PHYKPL: variants seen among roughly 807,000 people sequenced by gnomAD.
The protein encoded by PHYKPL is 5-phosphohydroxy-L-lysine phospho-lyase.
In PHYKPL, 42 loss-of-function variants were observed where a neutral mutation model predicts 51.3. The ratio of observed to expected loss-of-function variants is 0.82; its 90% CI spans 0.64 to 1.06. The LOEUF is 1.06. Ranked by LOEUF, PHYKPL falls within the 50% of genes least tolerant of loss-of-function variation. The pLI, the probability that PHYKPL is intolerant of heterozygous loss-of-function variation, is 0.00. For synonymous variants in PHYKPL, 264 were observed against 236.0 expected (o/e 1.12, Z -1.09); for missense variants, 655 against 586.6 (o/e 1.12, Z -1.20).
chr5:178,215,198 G>A, intron 9 of PHYKPL, 78 bp downstream of exon 9: 1 of 1,596,946 alleles, frequency 6.3e-7, no homozygotes, highest in Non-Finnish European at 8.6e-7. Context: ...CACCATCCCA[G>A]GTTGTTAGGA....
intron 2 of PHYKPL, 149 bp downstream of exon 2, chr5:178,231,256 T>TAG: frequency 7.6e-7 from 1 of 1,323,478 alleles, no homozygotes; most frequent in Non-Finnish European, 1.0e-6. Flanking sequence ...CACAGCTATA[T>TAG]TGCGAAGGCT....
chr5:178,214,953 T>A, intron 9 of PHYKPL, 68 bp from the exon 10 acceptor site: 2 of 1,463,422 alleles, frequency 1.4e-6, no homozygotes, highest in African/African-American at 1.4e-5. Flanking sequence ...CCTCAGCCTC[T>A]GGGCTCCTAC....
At chr5:178,218,700 T>C (rs1396321206) in intron 8 of PHYKPL, among the ~76,000 whole-genome samples, 1 of 152,200 alleles carries the variant, frequency 6.6e-6, no homozygotes, top group African/African-American at 2.4e-5. Context: ...TTATAGCATC[T>C]TGAACTCACT....
chr5:178,222,485 C>T lies in PHYKPL; in HGVS notation c.797G>A (p.Gly266Glu), dbSNP rs775663443. The T allele has an allele frequency of 6.2e-6, 10 of 1,614,142 alleles. No individual in the cohort carries two copies. Among genetic ancestry groups the T allele is most frequent in the Admixed American group, 1.7e-5 (1 of 60,014 alleles). Residue 266 changes from glycine to glutamate, a missense_variant, in exon 8 of 13, where the codon GGA becomes GAA. Transcript: ENST00000308158. ...GACGATGTCAGGGACGAAGTCTTTT[C>T]CCTGGAGCTGGAAGGCCCAGAAGTG... is the stretch of plus-strand genomic sequence containing the variant. ...GKHFWAFQLQGKDFVPDIVTM... is the reference protein window; with the variant it reads ...GKHFWAFQLQEKDFVPDIVTM...
rs201692484 is a variant in PHYKPL, at chr5:178,222,528, A to G, written c.754T>C (p.Phe252Leu). The change falls in exon 8 of 13, where the codon TTT becomes CTT. Residue 252 changes from phenylalanine to leucine, a missense_variant. Phe to Leu is a conservative substitution (Grantham distance 22). Coordinates refer to ENST00000308158, the MANE Select transcript of PHYKPL (RefSeq NM_153373.4). ...CAGAAGTGCTTGCCTACCCGGCCAA[A>G]GCCAACCTGGATCTCATCTGCAACA... ...VFVADEIQVG[F>L]GRVGKHFWAF... The G allele has an allele frequency of 6.2e-6, 10 of 1,614,248 alleles. No individual in the cohort carries two copies. In the East Asian group the frequency reaches 2.2e-4, roughly 36 times the overall value.
At chr5:178,228,555 C>A (rs1441662232) in intron 3 of PHYKPL, 3 of 702,606 alleles carry the variant, frequency 4.3e-6, no homozygotes, top group South Asian at 1.5e-5. Context: ...AATGTCTGGG[C>A]TCAAGTTCCT....
intron 1 of PHYKPL, chr5:178,232,145 G>C (rs1763596822): frequency 8.4e-7 from 1 of 1,195,390 alleles, no homozygotes; most frequent in African/African-American, 1.6e-5. Flanking sequence ...CCCTGGGTGA[G>C]GTCCTCTCAG....
In PHYKPL at chr5:178,231,500, G is replaced by A. The variant is rs753345407; in HGVS notation, c.83C>T (p.Pro28Leu). The stretch of plus-strand genomic sequence containing the variant: ...CCGGACAATCTTAACAGGATCCTCG[G>A]GAAAAAAGAGTCTGCAGGAAGAGCT... ...LISSSCRLFF[P>L]EDPVKIVRAQ... Residue 28 changes from proline to leucine, a missense_variant, in exon 2 of 13, where the codon CCC becomes CTC. Physicochemically the swap from Pro to Leu is moderately conservative, Grantham distance 98. Coordinates refer to ENST00000308158, the MANE Select transcript of PHYKPL (RefSeq NM_153373.4). The A allele has an allele frequency of 1.2e-6, 2 of 1,614,116 alleles. No homozygotes were observed. Among genetic ancestry groups the A allele is most frequent in the Non-Finnish European group, 1.7e-6 (2 of 1,180,022 alleles).
chr5:178,210,533 A>G lies in PHYKPL; in HGVS notation c.*31+1357T>C, dbSNP rs763324027. ...CAAATGCTTGTAAATAGTAGCTGCT[A>G]TGGTTGTTCTCGTCCCTAGGTCAGG... On this transcript the variant is annotated intron_variant, in intron 12 of 12. Transcript: ENST00000308158. 5.0e-6 allele frequency: 8 copies of G among 1,611,520 alleles called. No homozygotes were observed. In the East Asian group the frequency reaches 6.7e-5, roughly 13 times the overall value.
chr5:178,230,000 G>T lies in PHYKPL; in HGVS notation c.278C>A (p.Ala93Glu). The T allele has an allele frequency of 6.2e-7, 1 of 1,614,208 alleles. No homozygotes were observed. Among genetic ancestry groups the T allele is most frequent in the Non-Finnish European group, 8.5e-7 (1 of 1,180,042 alleles). ...CGGCAGGGTCTCTGACAGCCTCTGC[G>T]CATAGTCCACGATGTTGTCATGCAG... The part of the protein sequence containing the change: ...RYLHDNIVDY[A>E]QRLSETLPEQ... The change falls in exon 3 of 13, where the codon GCG becomes GAG. Residue 93 changes from alanine (A) to glutamate (E), a missense_variant. Coordinates refer to ENST00000308158, the MANE Select transcript of PHYKPL (RefSeq NM_153373.4).
In PHYKPL at chr5:178,209,992, A is replaced by G. The variant is rs1458992746; in HGVS notation, c.*32-1077T>C. The G allele has an allele frequency of 5.1e-6, 6 of 1,173,934 alleles. 1 individual carries two copies. The highest frequency in any genetic ancestry group is 4.6e-5 in the South Asian group (3 of 65,034). The allele number at this position is 1,173,934 out of a possible 1,614,324, so 72.7% of individuals were successfully genotyped here. A position where few individuals can be genotyped will look rare whatever the true frequency, so the allele number is the denominator to read the frequency against. Reference sequence around the variant, plus strand: ...ATGCAGGGTTGGGCCCAGGGCCCTTATACACCAGAACAGCAGCCCCTTGGC... The same window carrying G: ...ATGCAGGGTTGGGCCCAGGGCCCTTGTACACCAGAACAGCAGCCCCTTGGC... On this transcript the variant is annotated intron_variant, in intron 12 of 12. Transcript: ENST00000308158.
chr5:178,231,973 T>C, intron 1 of PHYKPL: 1 of 1,224,450 alleles, frequency 8.2e-7, no homozygotes, highest in Non-Finnish European at 1.0e-6. Flanking sequence ...GTGCCAGCCC[T>C]AAGCTCCAGT....
At chr5:178,219,242 G>A (rs1214265199) in intron 8 of PHYKPL, among the ~76,000 whole-genome samples, 1 of 152,034 alleles carries the variant, frequency 6.6e-6, no homozygotes, top group East Asian at 1.9e-4. Context: ...ATATGTAAAG[G>A]GAGTGAAGAC....
chr5:178,231,854 TA>T (rs781701343), intron 1 of PHYKPL: 1 of 1,338,374 alleles, frequency 7.5e-7, no homozygotes. Context: ...GGGGACTCCA[TA>T]AGGCCGCGTG....
chr5:178,210,642 C>CAACT, intron 12 of PHYKPL: 1 of 1,587,022 alleles, frequency 6.3e-7, no homozygotes, highest in Non-Finnish European at 8.7e-7. Context: ...CAGGAGCGAC[C>CAACT]AACTGATCGC....
rs575738225 is a variant in PHYKPL, at chr5:178,225,098, T to C, written c.413+257A>G. On this transcript the variant is annotated intron_variant, in intron 4 of 12. Transcript: ENST00000308158. ...AGCTACTGCTGGAGTAGTTTGAACA[T>C]GTACAATGTTGTGGGACCACCTTTG... The C allele has an allele frequency of 1.4e-5, 8 of 574,400 alleles. No homozygotes were observed. In the East Asian group the frequency reaches 1.4e-4, roughly 10 times the overall value. The allele number at this position is 574,400 out of a possible 1,614,324, so 35.6% of individuals were successfully genotyped here.
chr5:178,216,103 G>A (rs1027553064), intron 8 of PHYKPL: 5 of 152,094 alleles, frequency 3.3e-5, no homozygotes, highest in Non-Finnish European at 5.9e-5. Flanking sequence ...AACCTCCCTC[G>A]CAGTGAAGTT....
At chr5:178,210,709 C>CAA (rs1039093260) in intron 12 of PHYKPL, 7 of 1,060,134 alleles carry the variant, frequency 6.6e-6, no homozygotes, top group Non-Finnish European at 1.0e-5. Context: ...TTTAACTTGG[C>CAA]AAACTTTCTA....
intron 3 of PHYKPL, chr5:178,228,174 C>A: frequency 4.2e-6 from 1 of 239,278 alleles, no homozygotes; most frequent in Admixed American, 5.3e-5. Flanking sequence ...CTATGTAATA[C>A]CAAGAGAATG....
Sources: allele counts gnomAD v4.1 joint callset (sites outside exome capture counted in the v4.1 genomes callset), GRCh38; gene constraint gnomAD v4.1.1; transcripts MANE v1.5; gene names NCBI Gene and HGNC (gene_info 2026-07-23, HGNC 2026-07-21).